MACF1: variants seen among roughly 807,000 people sequenced by gnomAD.
MACF1 encodes microtubule-actin cross-linking factor 1.
MACF1 carries 193 observed loss-of-function variants against 854.8 expected under a neutral mutation model. That is an observed-to-expected ratio of 0.23 (90% confidence interval 0.20 to 0.25). The LOEUF (loss-of-function observed/expected upper bound fraction) is 0.25. Among genes scored for constraint, MACF1 ranks in the 10% least tolerant of loss-of-function variants. The probability of loss-of-function intolerance (pLI) is 1.00; values close to 1 mark genes in which losing one functional copy is unlikely to be tolerated. For missense variants in MACF1, 7,722 were observed against 8,929.1 expected, an observed-to-expected ratio of 0.86 and a Z score of 5.45; for synonymous variants, 3,185 against 3,226.7, an observed-to-expected ratio of 0.99 and a Z score of 0.44.
chr1:39,272,039 C>T (rs1331947213), intron 6 of MACF1, among the ~76,000 whole-genome samples: 1 of 152,176 alleles, frequency 6.6e-6, no homozygotes, highest in Admixed American at 6.5e-5. Flanking sequence ...TCTACCTTTT[C>T]ACTGCAGACA....
intron 58 of MACF1, chr1:39,413,859 G>A (rs369712935): frequency 2.1e-5 from 34 of 1,604,568 alleles, no homozygotes; most frequent in African/African-American, 1.4e-4. Context: ...CCACTTCCCC[G>A]GCAGCTTCAG....
intron 58 of MACF1, among the ~76,000 whole-genome samples, chr1:39,402,797 T>C (rs1642528532): frequency 6.6e-6 from 1 of 152,226 alleles, no homozygotes; most frequent in Non-Finnish European, 1.5e-5. Context: ...TCTTTCATTG[T>C]ACAGCATTTA....
Position 39,459,188 on chromosome 1 carries a change from T to C in MACF1, c.21299T>C (p.Val7100Ala). 1 of 1,614,178 alleles carries C rather than the reference T, an allele frequency of 6.2e-7. No individual in the cohort carries two copies. Among genetic ancestry groups the C allele is most frequent in the Non-Finnish European group, 8.5e-7 (1 of 1,180,020 alleles). The change falls in exon 91 of 101, where the codon GTG becomes GCG. Residue 7100 changes from valine to alanine, a missense_variant. Coordinates refer to ENST00000564288, the MANE Select transcript of MACF1 (RefSeq NM_001394062.1). ...INQLSARWQQ[V>A]WLLALERQRK... is the part of the protein sequence containing the mutation. The stretch of plus-strand genomic sequence containing the variant: ...CAGCTTTCTGCCCGCTGGCAGCAGG[T>C]GTGGCTGTTAGCACTGGAGCGGCAA...
intron 89 of MACF1, among the ~76,000 whole-genome samples, chr1:39,455,995 C>G (rs1644429238): frequency 6.6e-6 from 1 of 152,168 alleles, no homozygotes; most frequent in Middle Eastern, 3.2e-3. Context: ...CTTACAGTCT[C>G]TCAACTTTAT....
At chr1:39,135,421 A>G (rs531025796) in intron 2 of MACF1, among the ~76,000 whole-genome samples, 22 of 151,744 alleles carry the variant, frequency 1.4e-4, no homozygotes, top group African/African-American at 4.6e-4. Flanking sequence ...TAATTTTTGT[A>G]TTTTTTTAGT....
At chr1:39,113,551 C>T (rs1642466621) in intron 2 of MACF1, among the ~76,000 whole-genome samples, 1 of 152,168 alleles carries the variant, frequency 6.6e-6, no homozygotes. Context: ...TTTAATTAGT[C>T]TTAGGTGACT....
chr1:39,329,843 C>G (rs1646686214), intron 36 of MACF1, among the ~76,000 whole-genome samples: 1 of 152,154 alleles, frequency 6.6e-6, no homozygotes, highest in African/African-American at 2.4e-5. Flanking sequence ...GCGTATATGC[C>G]TTATTCACTG....
intron 56 of MACF1, among the ~76,000 whole-genome samples, chr1:39,384,595 A>T (rs1650524865): frequency 6.6e-6 from 1 of 152,196 alleles, no homozygotes. Context: ...GCAGCAAGGG[A>T]TATGAAAAGA....
intron 6 of MACF1, chr1:39,268,951 C>T: frequency 7.8e-7 from 1 of 1,286,814 alleles, no homozygotes; most frequent in Non-Finnish European, 1.0e-6. Context: ...CATACCCCCC[C>T]AGATATTTTG....
At chr1:39,222,452 C>T (rs1571191381) in intron 1 of MACF1, among the ~76,000 whole-genome samples, 1 of 152,230 alleles carries the variant, frequency 6.6e-6, no homozygotes, top group East Asian at 1.9e-4. Context: ...AGTTTGGAAT[C>T]CTTTGACTCC....
rs1207733470 is a variant in MACF1 at position 39,453,731 on chromosome 1, A to G, written c.20767A>G (p.Lys6923Glu). The change falls in exon 88 of 101, where the codon AAG becomes GAG. Residue 6923 changes from lysine to glutamate, a missense_variant. Physicochemically the swap from Lys to Glu is moderately conservative, Grantham distance 56. Coordinates refer to ENST00000564288, the MANE Select transcript of MACF1 (RefSeq NM_001394062.1). ...GGAATTCATGAAGAAAGTAGAAGAA[A>G]AGCGAGTGGACGTTAACTCAGCAGT... ...HKEFMKKVEEKRVDVNSAVAM... is the reference protein window; with the variant it reads ...HKEFMKKVEEERVDVNSAVAM... 6.2e-7 allele frequency: 1 copy of G among 1,614,190 alleles called. No individual in the cohort carries two copies. The highest frequency in any genetic ancestry group is 1.3e-5 in the African/African-American group (1 of 75,064).
chr1:39,420,531 T>TA (rs1262539312), intron 58 of MACF1, among the ~76,000 whole-genome samples: 3 of 152,282 alleles, frequency 2.0e-5, no homozygotes, highest in East Asian at 1.9e-4. Context: ...CAAATTATAG[T>TA]AAAAAAATGA....
intron 24 of MACF1, 144 bp from the exon 25 acceptor site, chr1:39,310,101 A>G: frequency 1.4e-6 from 1 of 735,648 alleles, no homozygotes; most frequent in Non-Finnish European, 2.2e-6. Flanking sequence ...GACTAAATGG[A>G]GGAATTCAAA....
intron 44 of MACF1, 24 bp from the exon 45 acceptor site, chr1:39,357,350 GT>G (rs1490017376): frequency 1.9e-6 from 3 of 1,599,962 alleles, no homozygotes; most frequent in Non-Finnish European, 2.6e-6. Flanking sequence ...ATTGTCCTTT[GT>G]TTGGGGGGAT....
chr1:39,463,235 C>T (rs547438995), intron 93 of MACF1, among the ~76,000 whole-genome samples: 28 of 152,210 alleles, frequency 1.8e-4, no homozygotes, highest in African/African-American at 6.5e-4. Context: ...GCCTGTAATC[C>T]CAGCACTTTG....
chr1:39,087,773 C>T (rs1279296044), intron 2 of MACF1, among the ~76,000 whole-genome samples: 6 of 151,916 alleles, frequency 3.9e-5, no homozygotes, highest in African/African-American at 1.5e-4. Flanking sequence ...AAGTACATTG[C>T]TATTTCTTTT....
chr1:39,280,285 T>C (rs984183376), intron 6 of MACF1, among the ~76,000 whole-genome samples: 1 of 152,208 alleles, frequency 6.6e-6, no homozygotes, highest in African/African-American at 2.4e-5. Context: ...AATTAAAACA[T>C]GTTAAGGTCC....
intron 58 of MACF1, among the ~76,000 whole-genome samples, chr1:39,406,306 C>A (rs942062575): frequency 1.3e-5 from 2 of 152,004 alleles, no homozygotes; most frequent in African/African-American, 4.8e-5. Context: ...TTATATGGAT[C>A]ACTGATGAGA....
chr1:39,477,071 A>ATACACACACATATATACACTTAGTG (rs1553457821), intron 97 of MACF1, among the ~76,000 whole-genome samples: 984 of 16,788 alleles, frequency 0.059, 84 homozygotes, highest in Non-Finnish European at 0.075. Flanking sequence ...ATATATATAT[A>ATACACACACATATATACACTTAGTG]TATATATATA....
Sources: gnomAD v4.1 joint callset for allele counts (sites outside exome capture counted in the v4.1 genomes callset) on GRCh38, gnomAD v4.1.1 for gene constraint, MANE v1.5 for transcripts, NCBI Gene and HGNC (gene_info 2026-07-23, HGNC 2026-07-21) for gene names.